The following PPP2R2C variants were observed in gnomAD, a reference collection of about 807,000 sequenced individuals.
PPP2R2C encodes the protein protein phosphatase 2, regulatory subunit B, gamma.
PPP2R2C carries 10 observed loss-of-function variants against 45.3 expected under a neutral mutation model. The ratio of observed to expected loss-of-function variants is 0.22; its 90% CI spans 0.14 to 0.37. The LOEUF is 0.37. Among genes scored for constraint, PPP2R2C ranks in the 10% least tolerant of loss-of-function variants. The pLI is 1.00. For synonymous variants in PPP2R2C, 257 were observed against 245.4 expected, an observed-to-expected ratio of 1.05 and a Z score of -0.44; for missense variants, 308 against 619.7, an observed-to-expected ratio of 0.50 and a Z score of 5.34.
intron 1 of PPP2R2C, among the ~76,000 whole-genome samples, chr4:6,410,092 C>T (rs1378806944): frequency 6.6e-6 from 1 of 152,186 alleles, no homozygotes; most frequent in Non-Finnish European, 1.5e-5. Context: ...TCGGGGCAGA[C>T]ACCCCTGCTC....
chr4:6,387,770 T>G (rs1716320286), intron 1 of PPP2R2C, among the ~76,000 whole-genome samples: 1 of 149,594 alleles, frequency 6.7e-6, no homozygotes, highest in Non-Finnish European at 1.5e-5. Context: ...GAGCCGAGAT[T>G]GCACCATTGC....
At chr4:6,548,134 C>T (rs1481157954) in intron 1 of PPP2R2C, among the ~76,000 whole-genome samples, 5 of 152,168 alleles carry the variant, frequency 3.3e-5, no homozygotes, top group African/African-American at 1.2e-4. Flanking sequence ...AGGAGAACTG[C>T]TTGAACCCGG....
chr4:6,472,070 C>T, intron 1 of PPP2R2C, 90 bp downstream of exon 1: 1 of 1,529,674 alleles, frequency 6.5e-7, no homozygotes, highest in Non-Finnish European at 8.9e-7. Context: ...CGACACACAT[C>T]GCGCGGTCCA....
intron 1 of PPP2R2C, among the ~76,000 whole-genome samples, chr4:6,413,461 A>G (rs1334132480): frequency 1.3e-5 from 2 of 149,192 alleles, no homozygotes; most frequent in African/African-American, 2.4e-5. Context: ...AACTTGCCCA[A>G]TTTCATCACT....
chr4:6,441,165 A>G (rs1267354238), intron 1 of PPP2R2C, among the ~76,000 whole-genome samples: 1 of 152,134 alleles, frequency 6.6e-6, no homozygotes, highest in Non-Finnish European at 1.5e-5. Flanking sequence ...GAAGCCGCCA[A>G]CAGGGAACCT....
intron 2 of PPP2R2C, among the ~76,000 whole-genome samples, chr4:6,515,423 TG>T (rs1723799051): frequency 6.6e-6 from 1 of 152,208 alleles, no homozygotes; most frequent in African/African-American, 2.4e-5. Flanking sequence ...AGCAAGAGCC[TG>T]GAAGTTAACA....
upstream of PPP2R2C, among the ~76,000 whole-genome samples, chr4:6,476,643 C>G (rs1310648130): frequency 6.6e-6 from 1 of 152,176 alleles, no homozygotes; most frequent in Non-Finnish European, 1.5e-5. Context: ...TTTGTTCTAG[C>G]AGTCCAAACT....
intron 5 of PPP2R2C, among the ~76,000 whole-genome samples, chr4:6,372,163 G>C (rs556765335): frequency 6.6e-6 from 1 of 152,190 alleles, no homozygotes; most frequent in Non-Finnish European, 1.5e-5. Flanking sequence ...GGAGGGCCCC[G>C]AGGCGCCTTC....
intron 4 of PPP2R2C, among the ~76,000 whole-genome samples, chr4:6,375,044 T>C (rs765297041): frequency 3.3e-5 from 5 of 152,166 alleles, no homozygotes; most frequent in Non-Finnish European, 7.3e-5. Context: ...CCACTGGCTC[T>C]GCCCCAAACA....
rs1715824562 is a variant in PPP2R2C at position 6,381,869 on chromosome 4, G to A, written c.71-775C>T. On this transcript the variant is annotated intron_variant, in intron 1 of 8. Transcript: ENST00000382599. ...CATCTCCAGGCCCCACTTTTTGCAT[G>A]TGGGAACTAGGGGAACACCCCTTCC... The A allele has an allele frequency of 6.8e-6, 11 of 1,611,712 alleles. No homozygotes were observed. In the South Asian group the frequency reaches 8.8e-5, roughly 13 times the overall value.
intron 5 of PPP2R2C, among the ~76,000 whole-genome samples, chr4:6,353,393 C>A (rs1712768681): frequency 1.4e-5 from 1 of 73,176 alleles, no homozygotes. Flanking sequence ...ACACTGACAG[C>A]CCCCCCACAC....
chr4:6,450,832 G>A (rs1395718104), intron 1 of PPP2R2C, among the ~76,000 whole-genome samples: 3 of 152,090 alleles, frequency 2.0e-5, no homozygotes, highest in South Asian at 2.1e-4. Flanking sequence ...AGGCACCTCC[G>A]CCTGGCCCTG....
chr4:6,512,404 ATGG>A (rs1560595358), intron 2 of PPP2R2C, among the ~76,000 whole-genome samples: 2 of 4,180 alleles, frequency 4.8e-4, no homozygotes, highest in Admixed American at 3.2e-3. Flanking sequence ...GGTGGTGGTG[ATGG>A]TGGTGGTGGT....
intron 1 of PPP2R2C, among the ~76,000 whole-genome samples, chr4:6,422,053 ATT>A: frequency 6.7e-6 from 1 of 149,440 alleles, no homozygotes; most frequent in South Asian, 2.1e-4. Flanking sequence ...CATTGGTGCA[ATT>A]TTTTTTTTTT....
intron 2 of PPP2R2C, among the ~76,000 whole-genome samples, chr4:6,484,105 T>C (rs1263523450): frequency 6.6e-6 from 1 of 152,058 alleles, no homozygotes; most frequent in Non-Finnish European, 1.5e-5. Flanking sequence ...CCTCCTCTTC[T>C]AGAAGTTTTA....
At chr4:6,541,092 G>A (rs1018298682) in intron 1 of PPP2R2C, among the ~76,000 whole-genome samples, 1 of 152,226 alleles carries the variant, frequency 6.6e-6, no homozygotes, top group African/African-American at 2.4e-5. Context: ...GGGGCCAGCT[G>A]AGTCATTCTC....
At position 6,421,176 on chromosome 4, in the gene PPP2R2C, C is replaced by T. The variant is rs760166070; in HGVS notation, c.71-40082G>A. The T allele has an allele frequency of 3.8e-4, 370 of 968,410 alleles. 3 individuals are homozygous for T. Among genetic ancestry groups the T allele is most frequent in the Non-Finnish European group, 4.4e-4 (361 of 814,262 alleles). 60.0% of individuals were successfully genotyped at this position (968,410 alleles called of 1,614,324 possible). A position where few individuals can be genotyped will look rare whatever the true frequency, so the allele number is the denominator to read the frequency against. On this transcript the variant is annotated intron_variant, in intron 1 of 8. Coordinates refer to ENST00000382599, the MANE Select transcript of PPP2R2C (RefSeq NM_020416.4). The stretch of plus-strand genomic sequence containing the variant: ...CACCACTTCCTGGTTAGCACATGAC[C>T]AGTGGGGGCCAATCAGATGCTCCCA...
intron 1 of PPP2R2C, among the ~76,000 whole-genome samples, chr4:6,391,723 A>G (rs1716656746): frequency 6.6e-6 from 1 of 152,228 alleles, no homozygotes; most frequent in African/African-American, 2.4e-5. Context: ...TGGCCGACAC[A>G]GTGACCCTTG....
intron 1 of PPP2R2C, among the ~76,000 whole-genome samples, chr4:6,393,817 A>G (rs976848860): frequency 6.6e-6 from 1 of 152,224 alleles, no homozygotes; most frequent in Non-Finnish European, 1.5e-5. Context: ...GTCTGTGGTC[A>G]GCAGGATCCG....
Sources: allele counts gnomAD v4.1 joint callset (sites outside exome capture counted in the v4.1 genomes callset), GRCh38; gene constraint gnomAD v4.1.1; transcripts MANE v1.5; gene names NCBI Gene and HGNC (gene_info 2026-07-23, HGNC 2026-07-21).